Variants in EBF2 observed in about 807,000 individuals in gnomAD.
The protein encoded by EBF2 is transcription factor COE2.
In EBF2, 21 loss-of-function variants were observed where a neutral mutation model predicts 72.8. That is an observed-to-expected ratio of 0.29 (90% CI 0.20 to 0.42). EBF2 has a LOEUF of 0.42. EBF2 is among the 10% of genes least tolerant of loss of function. The pLI is 1.00. For synonymous variants in EBF2, 299 were observed against 274.2 expected (o/e 1.09, Z -0.89); for missense variants, 637 against 731.2 (o/e 0.87, Z 1.49).
chr8:25,987,443 A>C (rs1490421710), intron 6 of EBF2, among the ~76,000 whole-genome samples: 3 of 152,112 alleles, frequency 2.0e-5, no homozygotes, highest in Non-Finnish European at 4.4e-5. Context: ...CCTTCTCTTC[A>C]TCACTCTATG....
intron 11 of EBF2, among the ~76,000 whole-genome samples, chr8:25,862,487 G>A (rs528141801): frequency 1.2e-4 from 18 of 152,132 alleles, no homozygotes; most frequent in Admixed American, 2.0e-4. Context: ...TACTCCTGTC[G>A]TGTATCTGTT....
chr8:25,919,176 C>G (rs1803270663), intron 6 of EBF2, among the ~76,000 whole-genome samples: 1 of 152,108 alleles, frequency 6.6e-6, no homozygotes, highest in African/African-American at 2.4e-5. Flanking sequence ...AGTTTTCCAA[C>G]CAAGCATCAA....
chr8:26,002,939 C>G, intron 6 of EBF2, among the ~76,000 whole-genome samples: 1 of 15,108 alleles, frequency 6.6e-5, no homozygotes, highest in African/African-American at 2.1e-4. Flanking sequence ...GGCAGGCAGG[C>G]AGGCGGGCGG....
chr8:25,877,218 C>T (rs530250730), intron 10 of EBF2, among the ~76,000 whole-genome samples: 15 of 152,288 alleles, frequency 9.8e-5, no homozygotes, highest in African/African-American at 3.6e-4. Flanking sequence ...GCCAAGAAGT[C>T]CCTGAACAAC....
rs1802182520 is a variant in EBF2 at position 25,860,002 on chromosome 8, C to G, written c.1342+1047G>C. Reference sequence around the variant, plus strand: ...GAAGTGCTGGGATTACAAGCGTGAGCCACCACACCCGGCTCACCTACTCTT... The same window carrying G: ...GAAGTGCTGGGATTACAAGCGTGAGGCACCACACCCGGCTCACCTACTCTT... On this transcript the variant is annotated intron_variant, in intron 13 of 15. Coordinates refer to ENST00000520164, the MANE Select transcript of EBF2 (RefSeq NM_022659.4). Among the ~76,000 whole-genome samples, 3 of 152,028 alleles carry G rather than the reference C, an allele frequency of 2.0e-5. No individual in the cohort carries two copies. The South Asian group carries it at 6.2e-4, about 32-fold the overall frequency.
At chr8:25,993,290 G>A (rs1804574360) in intron 6 of EBF2, among the ~76,000 whole-genome samples, 1 of 152,114 alleles carries the variant, frequency 6.6e-6, no homozygotes, top group Non-Finnish European at 1.5e-5. Flanking sequence ...CAAATGCCCA[G>A]CTATTAGGAC....
chr8:25,895,212 T>C (rs1333927092), intron 7 of EBF2, among the ~76,000 whole-genome samples: 4 of 152,220 alleles, frequency 2.6e-5, no homozygotes, highest in Non-Finnish European at 5.9e-5. Context: ...TCTCCTCAAC[T>C]GATATATTGC....
chr8:25,858,699 G>A (rs561930366), intron 13 of EBF2, among the ~76,000 whole-genome samples, 195 bp from the exon 14 acceptor site: 40 of 125,966 alleles, frequency 3.2e-4, no homozygotes, highest in African/African-American at 1.0e-3. Flanking sequence ...TTACTCTGTC[G>A]CTCAGGCTGG....
chr8:25,929,817 A>T (rs1007644856), intron 6 of EBF2, among the ~76,000 whole-genome samples: 2 of 152,080 alleles, frequency 1.3e-5, no homozygotes, highest in Admixed American at 6.6e-5. Context: ...AGATCCGGGT[A>T]TCAGTGGGAA....
intron 6 of EBF2, among the ~76,000 whole-genome samples, chr8:26,018,050 T>A (rs1454855611): frequency 1.3e-5 from 2 of 151,562 alleles, no homozygotes; most frequent in Admixed American, 1.3e-4. Context: ...AAAAAAAAAA[T>A]CTTACAGCAA....
intron 6 of EBF2, among the ~76,000 whole-genome samples, chr8:25,970,751 G>T (rs1804177942): frequency 6.6e-6 from 1 of 152,178 alleles, no homozygotes; most frequent in Admixed American, 6.5e-5. Flanking sequence ...CCCTGTGCCT[G>T]CTCCCCTCAT....
chr8:26,020,133 TCTC>T (rs1805182109), intron 6 of EBF2, among the ~76,000 whole-genome samples: 6 of 152,158 alleles, frequency 3.9e-5, no homozygotes, highest in South Asian at 4.1e-4. Flanking sequence ...TTGCTTCCAG[TCTC>T]AGTGATGGGA....
intron 7 of EBF2, 41 bp downstream of exon 7, chr8:25,908,433 G>A (rs1357273174): frequency 7.0e-7 from 1 of 1,431,086 alleles, no homozygotes; most frequent in Non-Finnish European, 9.7e-7. Context: ...AGAGAAAACA[G>A]GATGACTTAT....
At chr8:25,985,593 T>C (rs1014374085) in intron 6 of EBF2, among the ~76,000 whole-genome samples, 1 of 152,134 alleles carries the variant, frequency 6.6e-6, no homozygotes, top group Non-Finnish European at 1.5e-5. Flanking sequence ...TTGGACCAGA[T>C]ATATAACAAA....
chr8:26,043,765 G>A (rs1009312418), intron 1 of EBF2, among the ~76,000 whole-genome samples: 1 of 152,196 alleles, frequency 6.6e-6, no homozygotes, highest in African/African-American at 2.4e-5. Flanking sequence ...CAGGGGAAGC[G>A]AGGGTAGTGG....
rs1175404340 is a variant in EBF2, at chr8:25,861,452, T to C, written c.1099-78A>G. On this transcript the variant is annotated intron_variant, in intron 11 of 15. Transcript: ENST00000520164. Reference sequence around the variant, plus strand: ...AACAAAAGAAAATTATAGGCAAAAATGAGAAATCCACACATCCCTCCCAAA... The same window carrying C: ...AACAAAAGAAAATTATAGGCAAAAACGAGAAATCCACACATCCCTCCCAAA... 1.9e-6 allele frequency: 3 copies of C among 1,541,464 alleles called. No individual in the cohort carries two copies. The Admixed American group carries it at 5.2e-5, about 27-fold the overall frequency.
intron 7 of EBF2, among the ~76,000 whole-genome samples, chr8:25,906,329 T>C (rs939156006): frequency 1.3e-5 from 2 of 152,250 alleles, no homozygotes; most frequent in Non-Finnish European, 2.9e-5. Flanking sequence ...GGAGGCACTT[T>C]GGAATTCTTT....
chr8:25,933,030 T>C (rs1016123446), intron 6 of EBF2, among the ~76,000 whole-genome samples: 2 of 152,170 alleles, frequency 1.3e-5, no homozygotes, highest in African/African-American at 2.4e-5. Context: ...AGCCCATCAG[T>C]AGCACGTTCT....
At chr8:25,903,866 G>A (rs576964354) in intron 7 of EBF2, among the ~76,000 whole-genome samples, 1 of 152,296 alleles carries the variant, frequency 6.6e-6, no homozygotes, top group East Asian at 1.9e-4. Context: ...TTTTGAACAC[G>A]TGCTCATTAG....
Sources: allele counts gnomAD v4.1 joint callset (sites outside exome capture counted in the v4.1 genomes callset), GRCh38; gene constraint gnomAD v4.1.1; transcripts MANE v1.5; gene names NCBI Gene and HGNC (gene_info 2026-07-23, HGNC 2026-07-21).